Variants in PARVB observed in about 807,000 individuals in gnomAD.
PARVB encodes parvin beta.
Under a neutral mutation model 47.0 loss-of-function variants are expected in PARVB, and 46 were observed. The ratio of observed to expected loss-of-function variants is 0.98; its 90% CI spans 0.77 to 1.25. The LOEUF (loss-of-function observed/expected upper bound fraction) is 1.25. Among genes scored for constraint, PARVB ranks in the 50% most tolerant of loss-of-function variants. The pLI is 0.00. For synonymous variants in PARVB, 196 were observed against 196.3 expected (o/e 1.00, Z 0.01); for missense variants, 473 against 471.6 (o/e 1.00, Z -0.03).
intron 1 of PARVB, chr22:44,086,832 A>G (rs1207100893): frequency 4.9e-5 from 48 of 985,252 alleles, no homozygotes; most frequent in Non-Finnish European, 5.7e-5. Flanking sequence ...TACGGATGGA[A>G]GTTGGAAAAT....
intron 2 of PARVB, among the ~76,000 whole-genome samples, chr22:44,094,825 G>A (rs767983984): frequency 6.6e-6 from 1 of 151,746 alleles, no homozygotes; most frequent in Non-Finnish European, 1.5e-5. Flanking sequence ...CTGAAGGAAT[G>A]GGCAAGGCTG....
intron 1 of PARVB, among the ~76,000 whole-genome samples, chr22:44,091,740 G>T (rs958210098): frequency 6.6e-6 from 1 of 152,184 alleles, no homozygotes; most frequent in African/African-American, 2.4e-5. Context: ...CAAATGCCAA[G>T]ACTCAGTGAC....
intron 10 of PARVB, among the ~76,000 whole-genome samples, chr22:44,156,150 C>T (rs577958207): frequency 9.9e-5 from 15 of 152,132 alleles, no homozygotes; most frequent in Non-Finnish European, 1.8e-4. Context: ...GGGCCCAGAC[C>T]CTGTCCTGAG....
intron 1 of PARVB, among the ~76,000 whole-genome samples, chr22:44,062,140 G>T (rs2051431393): frequency 6.6e-6 from 1 of 152,180 alleles, no homozygotes; most frequent in Non-Finnish European, 1.5e-5. Context: ...TCTGACACCA[G>T]AGGTGCAGGG....
chr22:44,080,426 T>G (rs995684292), intron 1 of PARVB, among the ~76,000 whole-genome samples: 1 of 152,218 alleles, frequency 6.6e-6, no homozygotes, highest in Non-Finnish European at 1.5e-5. Context: ...CCTTAGTGCC[T>G]GGCCTCTTCC....
At chr22:44,161,820 C>T (rs549143038) in intron 11 of PARVB, among the ~76,000 whole-genome samples, 8 of 152,352 alleles carry the variant, frequency 5.3e-5, no homozygotes, top group South Asian at 2.1e-4. Context: ...ACCCTCCGCA[C>T]GGGCCGTCCT....
At chr22:44,051,157 A>G (rs577336651) in intron 1 of PARVB, among the ~76,000 whole-genome samples, 35 of 152,314 alleles carry the variant, frequency 2.3e-4, no homozygotes, top group Non-Finnish European at 4.9e-4. Flanking sequence ...CAGCCGTAAA[A>G]ATCCTACCAC....
At chr22:44,080,504 T>C (rs1569097582) in intron 1 of PARVB, among the ~76,000 whole-genome samples, 1 of 152,218 alleles carries the variant, frequency 6.6e-6, no homozygotes, top group African/African-American at 2.4e-5. Context: ...GCTCTGGCCC[T>C]CCTGCTTCCT....
chr22:44,083,131 C>G (rs938648819), intron 1 of PARVB, among the ~76,000 whole-genome samples: 1 of 152,164 alleles, frequency 6.6e-6, no homozygotes, highest in Non-Finnish European at 1.5e-5. Flanking sequence ...CCTTGTGAAA[C>G]ACGACTGCCA....
rs1451106715 is a variant in PARVB, at chr22:44,089,728, A to G, written c.113-4200A>G. On this transcript the variant is annotated intron_variant, in intron 1 of 12. Coordinates refer to ENST00000338758, the MANE Select transcript of PARVB (RefSeq NM_013327.5). The surrounding 1 kb of genome is among the most constrained non-coding windows in gnomAD (Gnocchi z 4.0). ...ATCCAGGCTGCAAGTTCTTCTGCAA[A>G]GGAGCTGTGTCCATAAGGGAACCCA... 6.6e-6 allele frequency among the ~76,000 whole-genome samples: 1 copy of G among 152,200 alleles called. No individual in the cohort carries two copies. Among genetic ancestry groups the G allele is most frequent in the African/African-American group, 2.4e-5 (1 of 41,460 alleles).
chr22:44,129,967 C>G (rs960725505), intron 4 of PARVB, among the ~76,000 whole-genome samples: 1 of 152,232 alleles, frequency 6.6e-6, no homozygotes, highest in Non-Finnish European at 1.5e-5. Flanking sequence ...AGGCCTTGCT[C>G]TAGAATTTTA....
chr22:44,047,763 A>G (rs756498711), intron 1 of PARVB, among the ~76,000 whole-genome samples: 2 of 152,102 alleles, frequency 1.3e-5, no homozygotes, highest in Non-Finnish European at 2.9e-5. Flanking sequence ...TTTTTTGGGG[A>G]AAGAGGGGCA....
chr22:44,163,372 G>C (rs1015666602), intron 11 of PARVB, among the ~76,000 whole-genome samples: 1 of 152,220 alleles, frequency 6.6e-6, no homozygotes, highest in Non-Finnish European at 1.5e-5. Flanking sequence ...CAACTACTGG[G>C]GAAGCTGAGG....
intron 2 of PARVB, among the ~76,000 whole-genome samples, chr22:44,006,376 A>G (rs952003998): frequency 6.6e-6 from 1 of 152,254 alleles, no homozygotes; most frequent in African/African-American, 2.4e-5. Flanking sequence ...CTGTAATCCC[A>G]GCACTTTGGG....
intron 1 of PARVB, among the ~76,000 whole-genome samples, chr22:44,065,842 GGTGTGTGTGTGTGTGCATGTGTGT>G (rs2051509479): frequency 6.9e-6 from 1 of 144,852 alleles, no homozygotes; most frequent in African/African-American, 2.6e-5. Flanking sequence ...AGTATTCCAT[GGTGTGTGTGTGTGTGCATGTGTGT>G]GTGTGTGTGT....
chr22:44,113,636 A>G (rs1430582303), intron 3 of PARVB: 1 of 56,650 alleles, frequency 1.8e-5, no homozygotes. Flanking sequence ...CAACACAGAT[A>G]CATTGTTACT....
chr22:44,022,946 C>T (rs2050668449), upstream of PARVB, among the ~76,000 whole-genome samples: 1 of 151,732 alleles, frequency 6.6e-6, no homozygotes, highest in Non-Finnish European at 1.5e-5. Flanking sequence ...GGGGTTTCAC[C>T]ATGTTGGCCA....
intron 1 of PARVB, among the ~76,000 whole-genome samples, chr22:44,066,905 A>C (rs1249790944): frequency 1.4e-5 from 2 of 142,188 alleles, no homozygotes; most frequent in African/African-American, 5.3e-5. Flanking sequence ...GCAGGGTCTC[A>C]CTCTGTTGCC....
Position 44,125,702 on chromosome 22 carries a change from A to G in PARVB, c.377-5785A>G, listed in dbSNP as rs577523423. ...GGGCCAGATCTCATTCAGCCCTGCTAGACAACAGTCTATTCCAAGTGACAG... is the reference window on the plus strand; with the variant it reads ...GGGCCAGATCTCATTCAGCCCTGCTGGACAACAGTCTATTCCAAGTGACAG... On this transcript the variant is annotated intron_variant, in intron 4 of 12. Coordinates refer to ENST00000338758, the MANE Select transcript of PARVB (RefSeq NM_013327.5). This position sits in a 1 kb window ranked among gnomAD's most constrained non-coding sequence, Gnocchi z 4.1. Among the ~76,000 whole-genome samples the G allele has an allele frequency of 6.6e-6, 1 of 152,330 alleles. No homozygotes were observed. Among genetic ancestry groups the G allele is most frequent in the East Asian group, 1.9e-4 (1 of 5,180 alleles).
Sources: gnomAD v4.1 joint callset for allele counts (sites outside exome capture counted in the v4.1 genomes callset) on GRCh38, gnomAD v4.1.1 for gene constraint, Gnocchi (gnomAD v3.1) non-coding constraint, MANE v1.5 for transcripts, NCBI Gene and HGNC (gene_info 2026-07-23, HGNC 2026-07-21) for gene names.